The following SPDYE14 variants were observed in gnomAD, a reference collection of about 807,000 sequenced individuals.
SPDYE14 encodes the protein speedy/RINGO cell cycle regulator family member E14, also known as speedy protein E14.
At chr7:75,249,998 TC>T in the SPDYE14 span, among the ~76,000 whole-genome samples, 1 of 81,632 alleles carries the variant, frequency 1.2e-5, no homozygotes, top group African/African-American at 3.8e-5. Context: ...TCAGGACAGT[TC>T]TGCCCCATGG....
the SPDYE14 span, among the ~76,000 whole-genome samples, chr7:75,272,984 G>A: frequency 6.9e-5 from 4 of 57,946 alleles, 1 homozygote; most frequent in African/African-American, 1.6e-4. Flanking sequence ...ATTAAATCAC[G>A]GGGCGGATTT....
the SPDYE14 span, among the ~76,000 whole-genome samples, chr7:75,275,425 C>T: frequency 2.1e-5 from 1 of 48,200 alleles, no homozygotes; most frequent in Non-Finnish European, 5.4e-5. Context: ...GATCTGTGAC[C>T]TTACCCCCAA....
At chr7:75,264,480 A>C in the SPDYE14 span, among the ~76,000 whole-genome samples, 1 of 49,162 alleles carries the variant, frequency 2.0e-5, no homozygotes, top group Non-Finnish European at 5.1e-5. Context: ...CTCACTACTA[A>C]TGACTTTTGA....
the SPDYE14 span, among the ~76,000 whole-genome samples, chr7:75,279,531 A>C: frequency 2.6e-5 from 1 of 37,852 alleles, no homozygotes. Context: ...GGCTCACTGC[A>C]AGTGCCGCCT....
the SPDYE14 span, among the ~76,000 whole-genome samples, chr7:75,241,680 A>ATATAT: frequency 2.7e-3 from 54 of 19,698 alleles, 1 homozygote; most frequent in East Asian, 6.4e-3. Flanking sequence ...AAAAAAAAAA[A>ATATAT]ATATATATAT....
chr7:75,273,337 G>A, the SPDYE14 span, among the ~76,000 whole-genome samples: 19 of 60,394 alleles, frequency 3.1e-4, no homozygotes, highest in Non-Finnish European at 6.5e-4. Context: ...ATGAGTTCGA[G>A]ACCAGCCTGG....
chr7:75,257,329 T>G, the SPDYE14 span, among the ~76,000 whole-genome samples: 630 of 104,700 alleles, frequency 6.0e-3, 1 homozygote, highest in African/African-American at 7.1e-3. Context: ...TTGGCAGTCT[T>G]GCTTAAGGGC....
At chr7:75,241,681 AT>A in the SPDYE14 span, among the ~76,000 whole-genome samples, 73 of 16,738 alleles carry the variant, frequency 4.4e-3, 5 homozygotes, top group African/African-American at 0.01. Flanking sequence ...AAAAAAAAAA[AT>A]ATATATATAT....
At chr7:75,239,031 C>T in the SPDYE14 span, among the ~76,000 whole-genome samples, 2 of 238 alleles carry the variant, frequency 8.4e-3, no homozygotes, top group African/African-American at 0.012. Context: ...TTTTTCCCCC[C>T]CGAGATGGAG....
the SPDYE14 span, among the ~76,000 whole-genome samples, chr7:75,261,079 C>T: frequency 1.1e-5 from 1 of 89,310 alleles, no homozygotes; most frequent in African/African-American, 2.8e-5. Context: ...GAGCCGAGAT[C>T]GCACCATTGC....
At chr7:75,247,442 G>GAAAGAA in the SPDYE14 span, among the ~76,000 whole-genome samples, 2 of 69,042 alleles carry the variant, frequency 2.9e-5, no homozygotes, top group African/African-American at 4.3e-5. Context: ...GAGAGAGAAA[G>GAAAGAA]AGAAAGAAAG....
the SPDYE14 span, among the ~76,000 whole-genome samples, chr7:75,257,894 CT>C: frequency 3.3e-5 from 1 of 30,610 alleles, no homozygotes; most frequent in Non-Finnish European, 8.6e-5. Context: ...TGGCATGATC[CT>C]GGCTCCCTGC....
chr7:75,247,554 T>G, the SPDYE14 span, among the ~76,000 whole-genome samples: 6 of 84,312 alleles, frequency 7.1e-5, no homozygotes, highest in East Asian at 3.0e-4. Context: ...GGAAGGAAAA[T>G]AGGACATGAC....
chr7:75,247,471 A>G, the SPDYE14 span, among the ~76,000 whole-genome samples: 13 of 119,422 alleles, frequency 1.1e-4, no homozygotes, highest in Admixed American at 1.2e-3. Flanking sequence ...AAAAAGAGAA[A>G]GAAAGAAAGA....
At chr7:75,237,671 G>A in the SPDYE14 span, 1 of 97,500 alleles carries the variant, frequency 1.0e-5, no homozygotes, top group Non-Finnish European at 2.3e-5. Context: ...CGCGGCGCCC[G>A]GCGCGGGGAG....
the SPDYE14 span, among the ~76,000 whole-genome samples, chr7:75,244,264 A>ATTTT: frequency 1.2e-4 from 1 of 8,512 alleles, no homozygotes; most frequent in Non-Finnish European, 2.7e-4. Context: ...CGCCCAGCTA[A>ATTTT]TTTTTTGTAT....
chr7:75,275,268 C>T, the SPDYE14 span, among the ~76,000 whole-genome samples: 1 of 49,478 alleles, frequency 2.0e-5, no homozygotes, highest in African/African-American at 4.7e-5. Flanking sequence ...ATGACAATGG[C>T]GGCTTTGTGG....
the SPDYE14 span, among the ~76,000 whole-genome samples, chr7:75,251,510 CTGTGTGTGTGTG>C: frequency 1.8e-5 from 1 of 55,492 alleles, no homozygotes; most frequent in Admixed American, 1.8e-4. Flanking sequence ...CTAATTTTGT[CTGTGTGTGTGTG>C]TGTGTGTGTG....
the SPDYE14 span, among the ~76,000 whole-genome samples, chr7:75,257,208 A>G: frequency 2.1e-5 from 2 of 93,800 alleles, no homozygotes; most frequent in African/African-American, 8.1e-5. Flanking sequence ...GAATGCCTTT[A>G]GGAAAGGAAA....
Sources: gnomAD v4.1 joint callset for allele counts (sites outside exome capture counted in the v4.1 genomes callset) on GRCh38, gnomAD v4.1.1 for gene constraint, MANE v1.5 for transcripts, NCBI Gene and HGNC (gene_info 2026-07-23, HGNC 2026-07-21) for gene names.